Variants in WDR72 observed in about 807,000 individuals in gnomAD.
WDR72 encodes the protein WD repeat domain 72, also known as WD repeat-containing protein 72.
WDR72 carries 120 observed loss-of-function variants against 124.2 expected under a neutral mutation model. The ratio of observed to expected loss-of-function variants is 0.97; its 90% confidence interval spans 0.83 to 1.12. The LOEUF (loss-of-function observed/expected upper bound fraction) is 1.12, where lower values mean the gene tolerates loss of function less well. WDR72 is among the 50% of genes most tolerant of loss of function. The probability of loss-of-function intolerance (pLI) is 0.00; values close to 1 mark genes in which losing one functional copy is unlikely to be tolerated. For synonymous variants in WDR72, 452 were observed against 441.7 expected, an observed-to-expected ratio of 1.02 and a Z score of -0.29; for missense variants, 1,387 against 1,278.8, an observed-to-expected ratio of 1.08 and a Z score of -1.29.
Position 53,643,248 on chromosome 15 carries a change from T to C in WDR72, c.1962+22324A>G, listed in dbSNP as rs558090731. On this transcript the variant is annotated intron_variant, in intron 14 of 19. Coordinates refer to ENST00000360509, the MANE Select transcript of WDR72 (RefSeq NM_182758.4). ...ATTGACTTAAGAATTCCTTGGTTTA[T>C]GAAGATTTATGACATAAGGCATAAT... Among the ~76,000 whole-genome samples, 110 of 152,280 alleles carry C rather than the reference T, an allele frequency of 7.2e-4. 1 individual carries two copies. Among genetic ancestry groups the C allele is most frequent in the Middle Eastern group, 6.8e-3 (2 of 294 alleles).
At chr15:53,577,324 A>G (rs541741359) in intron 18 of WDR72, among the ~76,000 whole-genome samples, 1 of 152,232 alleles carries the variant, frequency 6.6e-6, no homozygotes, top group Non-Finnish European at 1.5e-5. Context: ...CATGTTAACT[A>G]TCCATTTACC....
chr15:53,541,398 G>A (rs1327617886), intron 18 of WDR72, among the ~76,000 whole-genome samples: 3 of 151,734 alleles, frequency 2.0e-5, no homozygotes, highest in Non-Finnish European at 2.9e-5. Flanking sequence ...TACCTCACAA[G>A]GCAAGGTATT....
chr15:53,704,979 T>C lies in WDR72; in HGVS notation c.1348+9A>G, dbSNP rs2140530022. ...ATCAAATAAATAGGGTCAAATAAAATTCAAGGACCTTTTACTAAAGAACCA... is the reference window on the plus strand; with the variant it reads ...ATCAAATAAATAGGGTCAAATAAAACTCAAGGACCTTTTACTAAAGAACCA... On this transcript the variant is annotated intron_variant, in intron 11 of 19. Coordinates refer to ENST00000360509, the MANE Select transcript of WDR72 (RefSeq NM_182758.4). 1.9e-6 allele frequency: 3 copies of C among 1,613,640 alleles called. No individual in the cohort carries two copies. Among genetic ancestry groups the C allele is most frequent in the Non-Finnish European group, 2.5e-6 (3 of 1,179,942 alleles).
chr15:53,642,152 T>C lies in WDR72; in HGVS notation c.1962+23420A>G, dbSNP rs76310987. ...AACCACCCTTCTTTAATCCCTGTAA[T>C]TCGAAGTTGATATATGCAGTAGTAT... On this transcript the variant is annotated intron_variant, in intron 14 of 19. Transcript: ENST00000360509. Among the ~76,000 whole-genome samples the C allele has an allele frequency of 9.6e-3, 1,460 of 152,090 alleles. 33 individuals are homozygous for C. The highest frequency in any genetic ancestry group is 0.034 in the African/African-American group (1,408 of 41,538).
chr15:53,710,815 G>C (rs1567042233), intron 9 of WDR72, 42 bp downstream of exon 9: 2 of 1,482,040 alleles, frequency 1.3e-6, no homozygotes, highest in East Asian at 2.3e-5. Context: ...CCAAGAAACT[G>C]AGTGAAACAG....
intron 13 of WDR72, among the ~76,000 whole-genome samples, chr15:53,687,245 A>G (rs1213314536): frequency 2.0e-5 from 3 of 149,016 alleles, no homozygotes; most frequent in African/African-American, 7.5e-5. Flanking sequence ...GACACAAAAA[A>G]CCCTTCAAAA....
intron 14 of WDR72, among the ~76,000 whole-genome samples, chr15:53,623,753 A>G (rs138698697): frequency 1.3e-5 from 2 of 152,290 alleles, no homozygotes; most frequent in Non-Finnish European, 2.9e-5. Context: ...ACTAATTTAC[A>G]TTCCCACCAA....
intron 14 of WDR72, among the ~76,000 whole-genome samples, chr15:53,663,326 G>A (rs1272212943): frequency 6.6e-6 from 1 of 152,000 alleles, no homozygotes; most frequent in African/African-American, 2.4e-5. Context: ...TTCAGTTTAT[G>A]TCCGAATGTA....
intron 18 of WDR72, among the ~76,000 whole-genome samples, chr15:53,529,165 T>TATATACA (rs1555404361): frequency 2.2e-5 from 2 of 89,100 alleles, no homozygotes; most frequent in African/African-American, 9.2e-5. Context: ...TATATATATA[T>TATATACA]TTTTTTTTTT....
intron 1 of WDR72, among the ~76,000 whole-genome samples, chr15:53,743,108 C>G (rs1424878658): frequency 6.6e-6 from 1 of 151,600 alleles, no homozygotes; most frequent in Non-Finnish European, 1.5e-5. Flanking sequence ...GAATTACTTG[C>G]TAGTTATGTA....
intron 18 of WDR72, among the ~76,000 whole-genome samples, chr15:53,582,872 T>A (rs2012005109): frequency 6.6e-6 from 1 of 151,960 alleles, no homozygotes. Context: ...TGGATTGCCA[T>A]TAACAGTAGA....
intron 18 of WDR72, among the ~76,000 whole-genome samples, chr15:53,551,018 C>G (rs1244726503): frequency 6.6e-6 from 1 of 152,102 alleles, no homozygotes; most frequent in East Asian, 1.9e-4. Context: ...GCTTGGAGGT[C>G]AAGGAGGATC....
chr15:53,699,631 CCAAA>C, intron 13 of WDR72, 115 bp downstream of exon 13: 1 of 1,105,632 alleles, frequency 9.0e-7, no homozygotes, highest in Non-Finnish European at 1.3e-6. Flanking sequence ...TAAATGCAGC[CCAAA>C]CAAAGGTTAA....
intron 13 of WDR72, 67 bp from the exon 14 acceptor site, chr15:53,665,835 A>G (rs1253745639): frequency 6.8e-7 from 1 of 1,467,712 alleles, no homozygotes; most frequent in African/African-American, 1.4e-5. Flanking sequence ...AGACAGAACA[A>G]ACACTCTTTA....
At chr15:53,574,704 A>T (rs1337085751) in intron 18 of WDR72, among the ~76,000 whole-genome samples, 1 of 152,136 alleles carries the variant, frequency 6.6e-6, no homozygotes, top group Non-Finnish European at 1.5e-5. Flanking sequence ...AATGCAAAGG[A>T]AATACTTCAG....
intron 1 of WDR72, among the ~76,000 whole-genome samples, chr15:53,753,584 T>C (rs772044240): frequency 6.6e-6 from 1 of 152,244 alleles, no homozygotes; most frequent in Non-Finnish European, 1.5e-5. Context: ...GTGGATTTTC[T>C]GTCATGAGCC....
chr15:53,547,440 T>C (rs532953348), intron 18 of WDR72, among the ~76,000 whole-genome samples: 2 of 152,282 alleles, frequency 1.3e-5, no homozygotes, highest in African/African-American at 4.8e-5. Flanking sequence ...CCTGTTACTA[T>C]TATAATATCA....
chr15:53,657,136 C>T (rs1012470726), intron 14 of WDR72, among the ~76,000 whole-genome samples: 5 of 151,510 alleles, frequency 3.3e-5, no homozygotes, highest in South Asian at 2.1e-4. Context: ...TGGTGGCATG[C>T]ACTTGTAGTC....
At chr15:53,731,073 C>A (rs775798353) in intron 2 of WDR72, among the ~76,000 whole-genome samples, 1 of 152,170 alleles carries the variant, frequency 6.6e-6, no homozygotes, top group Non-Finnish European at 1.5e-5. Context: ...TCAATAACTT[C>A]TTTGTGTAAT....
Sources: gnomAD v4.1 joint callset for allele counts (sites outside exome capture counted in the v4.1 genomes callset) on GRCh38, gnomAD v4.1.1 for gene constraint, MANE v1.5 for transcripts, NCBI Gene and HGNC (gene_info 2026-07-23, HGNC 2026-07-21) for gene names.